The following DRC11 variants were observed in gnomAD, a reference collection of about 807,000 sequenced individuals.
DRC11 encodes IQ and AAA domain-containing protein 1.
chr2:236,357,347 T>TTATATGTA, the DRC11 span, among the ~76,000 whole-genome samples: 3 of 96,492 alleles, frequency 3.1e-5, no homozygotes, highest in East Asian at 9.0e-4. Context: ...AATATATATA[T>TTATATGTA]TATATGTATA....
At chr2:236,491,083 G>A in the DRC11 span, among the ~76,000 whole-genome samples, 1 of 108,474 alleles carries the variant, frequency 9.2e-6, no homozygotes, top group African/African-American at 3.6e-5. Context: ...ACCCCAAGAA[G>A]AATATATACT....
the DRC11 span, among the ~76,000 whole-genome samples, chr2:236,485,757 G>T: frequency 4.6e-5 from 7 of 152,172 alleles, no homozygotes; most frequent in Admixed American, 4.6e-4. Context: ...CTGCAGGAAG[G>T]CCAATTGCAG....
the DRC11 span, chr2:236,488,107 C>A: frequency 5.6e-6 from 9 of 1,610,604 alleles, no homozygotes; most frequent in South Asian, 1.0e-4. Context: ...ATGAATAAAG[C>A]CCTTAGGCGA....
the DRC11 span, among the ~76,000 whole-genome samples, chr2:236,344,080 G>A: frequency 1.3e-5 from 2 of 151,172 alleles, no homozygotes; most frequent in African/African-American, 4.9e-5. Flanking sequence ...GGTGGAGGAG[G>A]GGGACCATTG....
chr2:236,357,079 A>ATATAT, the DRC11 span, among the ~76,000 whole-genome samples: 2 of 123,154 alleles, frequency 1.6e-5, no homozygotes, highest in East Asian at 2.1e-4. Context: ...TATATTATAT[A>ATATAT]TCTATATATT....
the DRC11 span, among the ~76,000 whole-genome samples, chr2:236,387,449 T>C: frequency 3.3e-5 from 5 of 150,080 alleles, no homozygotes; most frequent in Non-Finnish European, 6.0e-5. Flanking sequence ...TCTTTGTTGG[T>C]TTAAAGTCTG....
the DRC11 span, chr2:236,441,205 T>C: frequency 2.1e-6 from 2 of 955,200 alleles, no homozygotes; most frequent in South Asian, 2.8e-5. Context: ...TTATGTTCAT[T>C]TAAATGAGTG....
chr2:236,391,840 C>T, the DRC11 span: 3 of 711,780 alleles, frequency 4.2e-6, no homozygotes, highest in African/African-American at 3.5e-5. The surrounding 1 kb of genome is among the most constrained non-coding windows in gnomAD (Gnocchi z 4.5). Context: ...TTAAATTTAC[C>T]AAAGGCAGGC....
the DRC11 span, chr2:236,332,000 C>CT: frequency 1.3e-4 from 21 of 164,234 alleles, no homozygotes; most frequent in South Asian, 1.0e-3. This position sits in a 1 kb window ranked among gnomAD's most constrained non-coding sequence, Gnocchi z 4.8. Context: ...AGTAGTTTAA[C>CT]TTTTTTTTTA....
chr2:236,384,416 T>G, the DRC11 span, among the ~76,000 whole-genome samples: 1 of 152,168 alleles, frequency 6.6e-6, no homozygotes, highest in Non-Finnish European at 1.5e-5. Flanking sequence ...TGATGGCCAG[T>G]GATGCTGAGC....
the DRC11 span, among the ~76,000 whole-genome samples, chr2:236,459,619 A>G: frequency 3.8e-3 from 525 of 138,292 alleles, 9 homozygotes; most frequent in African/African-American, 0.011. Context: ...GTATATAAGT[A>G]TATACATACG....
At chr2:236,461,484 A>G in the DRC11 span, among the ~76,000 whole-genome samples, 27 of 152,374 alleles carry the variant, frequency 1.8e-4, no homozygotes, top group African/African-American at 5.8e-4. The surrounding 1 kb of genome is among the most constrained non-coding windows in gnomAD (Gnocchi z 4.0). Flanking sequence ...TATGTAATTG[A>G]ATAAGAATGA....
At chr2:236,410,078 GT>G in the DRC11 span, among the ~76,000 whole-genome samples, 1 of 151,488 alleles carries the variant, frequency 6.6e-6, no homozygotes, top group African/African-American at 2.4e-5. Flanking sequence ...CTCTTTTTTG[GT>G]TGTGTCTCTG....
At chr2:236,418,808 G>A in the DRC11 span, among the ~76,000 whole-genome samples, 5 of 152,184 alleles carry the variant, frequency 3.3e-5, no homozygotes, top group Admixed American at 6.5e-5. Flanking sequence ...GGTTTGTTAA[G>A]CATTTTTACT....
At chr2:236,449,972 CAG>C in the DRC11 span, among the ~76,000 whole-genome samples, 1 of 152,184 alleles carries the variant, frequency 6.6e-6, no homozygotes, top group African/African-American at 2.4e-5. This position sits in a 1 kb window ranked among gnomAD's most constrained non-coding sequence, Gnocchi z 5.1. Flanking sequence ...TGCAGGTGCT[CAG>C]AGACAGGCGA....
chr2:236,419,550 C>T, the DRC11 span, among the ~76,000 whole-genome samples: 2 of 152,166 alleles, frequency 1.3e-5, no homozygotes, highest in Non-Finnish European at 1.5e-5. This position sits in a 1 kb window ranked among gnomAD's most constrained non-coding sequence, Gnocchi z 4.8. Context: ...CACTCCAGCT[C>T]CTGGAGGTTC....
chr2:236,494,592 C>T, the DRC11 span, among the ~76,000 whole-genome samples: 1 of 152,154 alleles, frequency 6.6e-6, no homozygotes. This position sits in a 1 kb window ranked among gnomAD's most constrained non-coding sequence, Gnocchi z 4.2. Context: ...TTCTGTCAGA[C>T]CTGCCTGGCT....
the DRC11 span, among the ~76,000 whole-genome samples, chr2:236,389,162 C>T: frequency 1.1e-4 from 16 of 152,094 alleles, no homozygotes; most frequent in Non-Finnish European, 7.4e-5. Flanking sequence ...GAGGCAGGCA[C>T]GCCTCCTTGA....
chr2:236,452,050 G>A, the DRC11 span, among the ~76,000 whole-genome samples: 1 of 152,102 alleles, frequency 6.6e-6, no homozygotes, highest in Non-Finnish European at 1.5e-5. The surrounding 1 kb of genome is among the most constrained non-coding windows in gnomAD (Gnocchi z 4.7). Context: ...CATGATTAAT[G>A]TTACTTTCTT....
Sources: gnomAD v4.1 joint callset for allele counts (sites outside exome capture counted in the v4.1 genomes callset) on GRCh38, gnomAD v4.1.1 for gene constraint, Gnocchi (gnomAD v3.1) non-coding constraint, MANE v1.5 for transcripts, NCBI Gene and HGNC (gene_info 2026-07-23, HGNC 2026-07-21) for gene names.